Variants in GALNT13 observed in about 807,000 individuals in gnomAD.
GALNT13 encodes polypeptide N-acetylgalactosaminyltransferase 13, also known as UDP-GalNAc:polypeptide N-acetylgalactosaminyltransferase 13.
GALNT13 carries 28 observed loss-of-function variants against 64.2 expected under a neutral mutation model. That is an observed-to-expected ratio of 0.44 (90% confidence interval 0.32 to 0.60). The LOEUF (loss-of-function observed/expected upper bound fraction) is 0.60. GALNT13 is among the 20% of genes least tolerant of loss of function. The probability of loss-of-function intolerance (pLI) is 0.05; values close to 1 mark genes in which losing one functional copy is unlikely to be tolerated. For missense variants in GALNT13, 577 were observed against 669.8 expected (o/e 0.86, Z 1.53); for synonymous variants, 214 against 224.6 (o/e 0.95, Z 0.42).
At chr2:153,407,617 G>A in the GALNT13 span, among the ~76,000 whole-genome samples, 5 of 152,140 alleles carry the variant, frequency 3.3e-5, no homozygotes, top group African/African-American at 1.2e-4. Flanking sequence ...GCTCTCACCC[G>A]AGCTGCATCA....
At chr2:154,387,873 G>A (rs996478197) in intron 9 of GALNT13, among the ~76,000 whole-genome samples, 1 of 152,120 alleles carries the variant, frequency 6.6e-6, no homozygotes, top group Non-Finnish European at 1.5e-5. Flanking sequence ...GAATAATGCT[G>A]CAGTGAACAA....
chr2:153,258,868 A>G, the GALNT13 span, among the ~76,000 whole-genome samples: 8 of 152,340 alleles, frequency 5.3e-5, no homozygotes, highest in Admixed American at 3.3e-4. Context: ...GTTGCCTAAC[A>G]TATGGTCTAT....
At chr2:154,080,146 G>A (rs1701197857) in intron 3 of GALNT13, among the ~76,000 whole-genome samples, 1 of 151,590 alleles carries the variant, frequency 6.6e-6, no homozygotes, top group African/African-American at 2.4e-5. Context: ...GCTGCTGGGT[G>A]GAATGTGTAC....
At chr2:153,981,432 G>A (rs1390043580) in intron 3 of GALNT13, among the ~76,000 whole-genome samples, 1 of 151,848 alleles carries the variant, frequency 6.6e-6, no homozygotes, top group African/African-American at 2.4e-5. Context: ...TGTTCTCATT[G>A]TTCAATTCCC....
intron 8 of GALNT13, among the ~76,000 whole-genome samples, chr2:154,300,816 C>T (rs1454433614): frequency 6.6e-6 from 1 of 152,010 alleles, no homozygotes; most frequent in Non-Finnish European, 1.5e-5. Flanking sequence ...TAAAAGCATG[C>T]TTAAAATAAA....
the GALNT13 span, among the ~76,000 whole-genome samples, chr2:153,595,149 A>G: frequency 6.6e-6 from 1 of 152,030 alleles, no homozygotes; most frequent in Non-Finnish European, 1.5e-5. Context: ...TAGTATTTAA[A>G]TATTTTAGAG....
intron 9 of GALNT13, among the ~76,000 whole-genome samples, chr2:154,350,606 G>A (rs1443328518): frequency 6.6e-6 from 1 of 152,168 alleles, no homozygotes; most frequent in African/African-American, 2.4e-5. Context: ...GTGTGACTGT[G>A]TCAGTCAATA....
chr2:153,595,340 A>G, the GALNT13 span, among the ~76,000 whole-genome samples: 4 of 151,966 alleles, frequency 2.6e-5, no homozygotes, highest in African/African-American at 9.7e-5. Context: ...AATTAAAAAA[A>G]TGAAATGACC....
At chr2:153,547,490 T>C in the GALNT13 span, among the ~76,000 whole-genome samples, 12 of 152,182 alleles carry the variant, frequency 7.9e-5, no homozygotes, top group Non-Finnish European at 1.6e-4. Context: ...AAAGATGAAA[T>C]TTTATTCATT....
the GALNT13 span, among the ~76,000 whole-genome samples, chr2:153,504,871 T>G: frequency 3.9e-5 from 6 of 152,210 alleles, no homozygotes; most frequent in African/African-American, 1.4e-4. Context: ...TCCCTGGTTT[T>G]GGTATTAGGG....
intron 7 of GALNT13, among the ~76,000 whole-genome samples, chr2:154,255,988 G>A (rs950981933): frequency 5.3e-5 from 8 of 152,122 alleles, no homozygotes; most frequent in Middle Eastern, 6.8e-3. Flanking sequence ...GGGAAGTCGA[G>A]GCTGCAGGGA....
At chr2:153,093,262 G>A in the GALNT13 span, among the ~76,000 whole-genome samples, 4 of 119,370 alleles carry the variant, frequency 3.4e-5, no homozygotes, top group African/African-American at 6.1e-5. Flanking sequence ...TTGTGGACAT[G>A]GAGTCTTGCT....
the GALNT13 span, among the ~76,000 whole-genome samples, chr2:153,599,651 C>T: frequency 5.9e-4 from 90 of 151,668 alleles, no homozygotes; most frequent in African/African-American, 1.3e-3. Flanking sequence ...CATTTTGAGA[C>T]GATAAAGAGC....
chr2:153,182,948 G>A, the GALNT13 span, among the ~76,000 whole-genome samples: 318 of 152,216 alleles, frequency 2.1e-3, no homozygotes, highest in African/African-American at 7.3e-3. Context: ...TAATAGAAAA[G>A]GATACATATA....
At chr2:154,031,725 A>G (rs949734038) in intron 3 of GALNT13, among the ~76,000 whole-genome samples, 3 of 152,100 alleles carry the variant, frequency 2.0e-5, no homozygotes, top group African/African-American at 7.2e-5. Flanking sequence ...CTATTTAAAT[A>G]TATATGTACT....
the GALNT13 span, among the ~76,000 whole-genome samples, chr2:153,112,435 C>T: frequency 6.6e-6 from 1 of 151,390 alleles, no homozygotes; most frequent in African/African-American, 2.5e-5. Flanking sequence ...ATATAAGCCA[C>T]ATCCACCTAC....
chr2:154,058,482 A>G (rs1306256926), intron 3 of GALNT13, among the ~76,000 whole-genome samples: 1 of 152,236 alleles, frequency 6.6e-6, no homozygotes, highest in African/African-American at 2.4e-5. Context: ...AACACAGGAA[A>G]AGTGGGAAAG....
At chr2:153,908,854 A>T in intron 2 of GALNT13, among the ~76,000 whole-genome samples, 1 of 151,772 alleles carries the variant, frequency 6.6e-6, no homozygotes, top group South Asian at 2.1e-4. Flanking sequence ...TTTTGCTGAG[A>T]TATCTTGCCT....
the GALNT13 span, among the ~76,000 whole-genome samples, chr2:153,621,737 G>A: frequency 6.6e-5 from 10 of 152,016 alleles, no homozygotes; most frequent in Non-Finnish European, 1.3e-4. Context: ...ACCACCTTAA[G>A]CCACAGAGAG....
Sources: allele counts gnomAD v4.1 joint callset (sites outside exome capture counted in the v4.1 genomes callset), GRCh38; gene constraint gnomAD v4.1.1; transcripts MANE v1.5; gene names NCBI Gene and HGNC (gene_info 2026-07-23, HGNC 2026-07-21).